The following BTBD9 variants were observed in gnomAD, a reference collection of about 807,000 sequenced individuals.
BTBD9 encodes BTB domain containing 9.
Under a neutral mutation model 64.3 loss-of-function variants are expected in BTBD9, and 49 were observed. The ratio of observed to expected loss-of-function variants is 0.76; its 90% CI spans 0.61 to 0.97. The LOEUF (loss-of-function observed/expected upper bound fraction) is 0.97, where lower values mean the gene tolerates loss of function less well. Among genes scored for constraint, BTBD9 ranks in the 50% least tolerant of loss-of-function variants. The pLI is 0.00. For synonymous variants in BTBD9, 260 were observed against 274.7 expected (o/e 0.95, Z 0.53); for missense variants, 598 against 762.1 (o/e 0.78, Z 2.53).
chr6:38,483,626 A>G (rs899265994), intron 6 of BTBD9, among the ~76,000 whole-genome samples: 2 of 152,090 alleles, frequency 1.3e-5, no homozygotes, highest in Non-Finnish European at 2.9e-5. Context: ...ATTGCTAAAC[A>G]TACCTTCCTC....
chr6:38,218,310 T>G (rs375018502), intron 9 of BTBD9, among the ~76,000 whole-genome samples: 3 of 152,234 alleles, frequency 2.0e-5, no homozygotes, highest in Non-Finnish European at 4.4e-5. Flanking sequence ...CTAAAGCAGA[T>G]TGCGGACAAC....
intron 9 of BTBD9, among the ~76,000 whole-genome samples, chr6:38,247,979 ATACATG>A (rs1764268793): frequency 1.3e-5 from 2 of 152,184 alleles, no homozygotes; most frequent in African/African-American, 4.8e-5. Flanking sequence ...TTTAAAAGAA[ATACATG>A]TAAATTGGTC....
At chr6:38,181,857 AGATGCCTGT>A (rs1254971392) in intron 10 of BTBD9, among the ~76,000 whole-genome samples, 14 of 152,168 alleles carry the variant, frequency 9.2e-5, no homozygotes, top group African/African-American at 3.4e-4. Flanking sequence ...GTGTGGTGGC[AGATGCCTGT>A]AATCCCAGCT....
In BTBD9 at chr6:38,601,306, A is replaced by G. The variant is rs374125220; in HGVS notation, c.-27-3185T>C. On this transcript the variant is annotated intron_variant, in intron 1 of 10. Coordinates refer to ENST00000481247, the MANE Select transcript of BTBD9 (RefSeq NM_001099272.2). ...ATCTTATTGCAAAGATGTAAAAGAT[A>G]CTAACAAAGTTACCAATGGCACAGC... is the stretch of plus-strand genomic sequence containing the variant. Among the ~76,000 whole-genome samples the G allele has an allele frequency of 5.3e-5, 8 of 152,378 alleles. No homozygotes were observed. The East Asian group carries it at 1.5e-3, about 29-fold the overall frequency.
rs184711460 is a variant in BTBD9, at chr6:38,371,807, C to T, written c.1155-26714G>A. 2.0e-5 allele frequency among the ~76,000 whole-genome samples: 3 copies of T among 152,268 alleles called. No homozygotes were observed. In the East Asian group the frequency reaches 5.8e-4, roughly 29 times the overall value. On this transcript the variant is annotated intron_variant, in intron 6 of 10. Transcript: ENST00000481247. ...TGGTGTGACTGTTTTTCGTTAATGT[C>T]CCCAAACCATTTATATCAATATCTA... is the stretch of plus-strand genomic sequence containing the variant.
chr6:38,308,378 G>A (rs1472487443), intron 7 of BTBD9, among the ~76,000 whole-genome samples: 2 of 152,062 alleles, frequency 1.3e-5, no homozygotes, highest in Admixed American at 6.6e-5. Flanking sequence ...TAAACATAAC[G>A]TGATTTATAC....
intron 8 of BTBD9, among the ~76,000 whole-genome samples, chr6:38,277,728 G>A (rs1458308840): frequency 6.6e-6 from 1 of 152,134 alleles, no homozygotes; most frequent in Non-Finnish European, 1.5e-5. Context: ...TCTAAGGGAA[G>A]CTTTTAAAAA....
intron 9 of BTBD9, among the ~76,000 whole-genome samples, chr6:38,222,387 A>G (rs1232356068): frequency 6.8e-6 from 1 of 147,346 alleles, no homozygotes; most frequent in Admixed American, 7.0e-5. Context: ...CAGCCTCCCG[A>G]GTAGCTGGGA....
chr6:38,288,082 G>A (rs905301588), intron 8 of BTBD9, among the ~76,000 whole-genome samples, 190 bp downstream of exon 8: 1 of 152,062 alleles, frequency 6.6e-6, no homozygotes, highest in Non-Finnish European at 1.5e-5. Flanking sequence ...CTGCCCCAGT[G>A]GAAAATCCAA....
At chr6:38,584,453 G>C (rs1776424911) in intron 4 of BTBD9, among the ~76,000 whole-genome samples, 2 of 152,124 alleles carry the variant, frequency 1.3e-5, no homozygotes, top group Non-Finnish European at 2.9e-5. Flanking sequence ...ATTATTAGAA[G>C]GAAAAATTAA....
intron 6 of BTBD9, among the ~76,000 whole-genome samples, chr6:38,404,069 G>T (rs1767062709): frequency 6.6e-6 from 1 of 152,124 alleles, no homozygotes; most frequent in South Asian, 2.1e-4. Context: ...GGTGGCCAGG[G>T]GATGGGGAGA....
intron 7 of BTBD9, among the ~76,000 whole-genome samples, chr6:38,320,023 C>T (rs573973599): frequency 3.9e-5 from 6 of 152,272 alleles, no homozygotes; most frequent in Admixed American, 2.0e-4. Flanking sequence ...GCTCCCTCCA[C>T]GGGCATTGGC....
At chr6:38,539,118 G>C (rs1005280721) in intron 6 of BTBD9, among the ~76,000 whole-genome samples, 2 of 152,102 alleles carry the variant, frequency 1.3e-5, no homozygotes, top group South Asian at 4.2e-4. Context: ...TTTTTGGAGA[G>C]ATAAAGTCTC....
At chr6:38,406,336 T>TTG (rs1003070715) in intron 6 of BTBD9, among the ~76,000 whole-genome samples, 1 of 152,218 alleles carries the variant, frequency 6.6e-6, no homozygotes, top group African/African-American at 2.4e-5. Flanking sequence ...CGAGAATTGA[T>TTG]TGTGTGTGTG....
intron 8 of BTBD9, among the ~76,000 whole-genome samples, chr6:38,259,941 A>G (rs1764733701): frequency 6.6e-6 from 1 of 152,182 alleles, no homozygotes; most frequent in Non-Finnish European, 1.5e-5. Context: ...CTTAGATTAC[A>G]CTAATTTTCT....
chr6:38,587,744 T>C, intron 4 of BTBD9: 1 of 684,054 alleles, frequency 1.5e-6, no homozygotes, highest in Non-Finnish European at 2.8e-6. Flanking sequence ...CCTGAAAATG[T>C]TACTGTGAAT....
intron 6 of BTBD9, chr6:38,402,736 T>C (rs1766991327): frequency 1.4e-6 from 1 of 693,252 alleles, no homozygotes; most frequent in African/African-American, 1.8e-5. Flanking sequence ...AGGTGTATGT[T>C]ATCATAACCT....
intron 6 of BTBD9, among the ~76,000 whole-genome samples, chr6:38,388,996 A>G (rs1170093566): frequency 6.6e-6 from 1 of 152,206 alleles, no homozygotes; most frequent in Non-Finnish European, 1.5e-5. Flanking sequence ...CAACAGGACA[A>G]TAATAATTTA....
chr6:38,399,855 G>A (rs1464381926), intron 6 of BTBD9, among the ~76,000 whole-genome samples: 1 of 151,828 alleles, frequency 6.6e-6, no homozygotes, highest in South Asian at 2.1e-4. Flanking sequence ...GGGTTCAAGC[G>A]ATTCTCCAGC....
Sources: gnomAD v4.1 joint callset for allele counts (sites outside exome capture counted in the v4.1 genomes callset) on GRCh38, gnomAD v4.1.1 for gene constraint, MANE v1.5 for transcripts, NCBI Gene and HGNC (gene_info 2026-07-23, HGNC 2026-07-21) for gene names.